NALF1: variants seen among roughly 807,000 people sequenced by gnomAD.
The protein encoded by NALF1 is NALCN channel auxiliary factor 1.
A neutral mutation model predicts 48.4 loss-of-function variants in NALF1; 3 were observed. The ratio of observed to expected loss-of-function variants is 0.06; its 90% CI spans 0.03 to 0.16. The LOEUF (loss-of-function observed/expected upper bound fraction) is 0.16, where lower values mean the gene tolerates loss of function less well. NALF1 is among the 10% of genes least tolerant of loss of function. The pLI is 1.00. For missense variants in NALF1, 526 were observed against 571.5 expected, an observed-to-expected ratio of 0.92 and a Z score of 0.81; for synonymous variants, 262 against 245.7, an observed-to-expected ratio of 1.07 and a Z score of -0.62.
chr13:107,747,593 A>T (rs913841871), intron 1 of NALF1, among the ~76,000 whole-genome samples: 2 of 152,202 alleles, frequency 1.3e-5, no homozygotes, highest in Admixed American at 1.3e-4. Flanking sequence ...AGTCTTGGGA[A>T]CTAGTGGAGA....
At chr13:107,675,188 C>A (rs548356888) in intron 1 of NALF1, among the ~76,000 whole-genome samples, 51 of 152,246 alleles carry the variant, frequency 3.3e-4, no homozygotes, top group Non-Finnish European at 5.7e-4. Context: ...TTCTGTGTAC[C>A]ATTTCCATAG....
At chr13:107,824,451 G>A (rs1445001694) in intron 1 of NALF1, among the ~76,000 whole-genome samples, 2 of 152,150 alleles carry the variant, frequency 1.3e-5, no homozygotes, top group East Asian at 1.9e-4. Context: ...TGGATGATGC[G>A]TGGTTGGATT....
At chr13:107,381,178 G>C (rs1473002356) in intron 1 of NALF1, among the ~76,000 whole-genome samples, 1 of 147,466 alleles carries the variant, frequency 6.8e-6, no homozygotes, top group Non-Finnish European at 1.5e-5. Flanking sequence ...GAATAGAGGG[G>C]AAGAGGACTT....
intron 1 of NALF1, among the ~76,000 whole-genome samples, chr13:107,238,531 A>T (rs1354503617): frequency 6.6e-6 from 1 of 152,178 alleles, no homozygotes; most frequent in Non-Finnish European, 1.5e-5. Flanking sequence ...GTACCCATTT[A>T]ATCGAAGGTA....
At chr13:107,813,792 T>C (rs1044697293) in intron 1 of NALF1, among the ~76,000 whole-genome samples, 5 of 152,130 alleles carry the variant, frequency 3.3e-5, no homozygotes, top group African/African-American at 9.7e-5. Flanking sequence ...ATGAATAAGA[T>C]AGACACTGAA....
At chr13:107,602,751 A>T (rs1878963580) in intron 1 of NALF1, among the ~76,000 whole-genome samples, 2 of 152,176 alleles carry the variant, frequency 1.3e-5, no homozygotes, top group South Asian at 4.1e-4. Context: ...ACATGCTTAT[A>T]TTTGCTAGTT....
intron 1 of NALF1, among the ~76,000 whole-genome samples, chr13:107,601,511 C>T (rs1442074878): frequency 6.6e-6 from 1 of 152,136 alleles, no homozygotes; most frequent in African/African-American, 2.4e-5. Flanking sequence ...AACCCAAATG[C>T]AGTTAGAATT....
At chr13:107,522,569 T>C (rs1244991770) in intron 1 of NALF1, among the ~76,000 whole-genome samples, 1 of 151,830 alleles carries the variant, frequency 6.6e-6, no homozygotes, top group Non-Finnish European at 1.5e-5. Context: ...GTGAATGATA[T>C]TAAATAATTT....
intron 1 of NALF1, among the ~76,000 whole-genome samples, chr13:107,700,143 GA>G (rs201344134): frequency 6.6e-6 from 1 of 150,382 alleles, no homozygotes; most frequent in Non-Finnish European, 1.5e-5. Flanking sequence ...CACAGAAATA[GA>G]AAAAAAAGCC....
At position 107,519,283 on chromosome 13, in the gene NALF1, C is replaced by T. The variant is rs2139094709; in HGVS notation, c.916-308528G>A. Among the ~76,000 whole-genome samples, 4 of 150,954 alleles carry T rather than the reference C, an allele frequency of 2.6e-5. No individual in the cohort carries two copies. In the Middle Eastern group the frequency reaches 0.01, roughly 385 times the overall value. On this transcript the variant is annotated intron_variant, in intron 1 of 2. Coordinates refer to ENST00000375915, the MANE Select transcript of NALF1 (RefSeq NM_001080396.3). ...AATTTATTTGATTGCAGGTTATTAA[C>T]AATAAAGTTGTATTGTGCACAGAAT...
At chr13:107,416,110 C>T (rs149303490) in intron 1 of NALF1, among the ~76,000 whole-genome samples, 3 of 151,772 alleles carry the variant, frequency 2.0e-5, no homozygotes, top group Non-Finnish European at 1.5e-5. Flanking sequence ...GGGTTCACAC[C>T]ATTCTCCTGC....
chr13:107,679,689 T>C (rs9634563), intron 1 of NALF1, among the ~76,000 whole-genome samples: 28,090 of 152,104 alleles, frequency 0.18, 3,077 homozygotes, highest in Admixed American at 0.29. Context: ...GCTCCCACTG[T>C]GGTGCTGCAC....
intron 1 of NALF1, among the ~76,000 whole-genome samples, chr13:107,700,237 T>C (rs1417184661): frequency 2.0e-5 from 3 of 151,904 alleles, no homozygotes; most frequent in Admixed American, 1.3e-4. Context: ...GGCATCAAAA[T>C]TCCTGGTTAA....
At chr13:107,181,043 A>T (rs1038268965) in intron 2 of NALF1, among the ~76,000 whole-genome samples, 66 of 151,556 alleles carry the variant, frequency 4.4e-4, no homozygotes, top group Non-Finnish European at 2.8e-4. Context: ...TAAAACCCTT[A>T]ATTTGTCTAG....
intron 1 of NALF1, among the ~76,000 whole-genome samples, chr13:107,530,298 C>T (rs1457892955): frequency 6.6e-6 from 1 of 152,092 alleles, no homozygotes; most frequent in African/African-American, 2.4e-5. Flanking sequence ...ATATCCCAAT[C>T]CATAATTATT....
chr13:107,509,530 C>T (rs1404480288), intron 1 of NALF1, among the ~76,000 whole-genome samples: 1 of 152,080 alleles, frequency 6.6e-6, no homozygotes, highest in Non-Finnish European at 1.5e-5. Flanking sequence ...GTCAGTTTGT[C>T]CTTGAGCTGT....
At chr13:107,413,632 T>C (rs1429981437) in intron 1 of NALF1, among the ~76,000 whole-genome samples, 1 of 152,166 alleles carries the variant, frequency 6.6e-6, no homozygotes, top group African/African-American at 2.4e-5. Flanking sequence ...ATTTTAATAA[T>C]GTTTCCATTT....
chr13:107,254,603 A>G (rs1427693499), intron 1 of NALF1, among the ~76,000 whole-genome samples: 1 of 152,126 alleles, frequency 6.6e-6, no homozygotes, highest in Non-Finnish European at 1.5e-5. Flanking sequence ...AGAATCACCA[A>G]ATATTTGGTA....
chr13:107,485,058 C>T (rs1885308585), intron 1 of NALF1, among the ~76,000 whole-genome samples: 1 of 152,112 alleles, frequency 6.6e-6, no homozygotes, highest in Non-Finnish European at 1.5e-5. Context: ...AGGTAACTCA[C>T]ATAAGGATTG....
Sources: gnomAD v4.1 joint callset for allele counts (sites outside exome capture counted in the v4.1 genomes callset) on GRCh38, gnomAD v4.1.1 for gene constraint, MANE v1.5 for transcripts, NCBI Gene and HGNC (gene_info 2026-07-23, HGNC 2026-07-21) for gene names.